PIEZO2: variants seen among roughly 807,000 people sequenced by gnomAD.
The protein encoded by PIEZO2 is piezo-type mechanosensitive ion channel component 2.
A neutral mutation model predicts 337.3 loss-of-function variants in PIEZO2; 172 were observed. The observed-to-expected ratio is 0.51, with a 90% CI of 0.45 to 0.58. The LOEUF is 0.58. Among genes scored for constraint, PIEZO2 ranks in the 20% least tolerant of loss-of-function variants. The probability of loss-of-function intolerance (pLI) is 0.00; values close to 1 mark genes in which losing one functional copy is unlikely to be tolerated. For missense variants in PIEZO2, 3,028 were observed against 3,391.3 expected, an observed-to-expected ratio of 0.89 and a Z score of 2.66; for synonymous variants, 1,251 against 1,228.5, an observed-to-expected ratio of 1.02 and a Z score of -0.38.
intron 1 of PIEZO2, among the ~76,000 whole-genome samples, chr18:11,075,858 C>T (rs182592430): frequency 3.1e-3 from 460 of 150,394 alleles, no homozygotes; most frequent in African/African-American, 0.011. Flanking sequence ...GCGCGATCTC[C>T]GCTCACTGCA....
intron 49 of PIEZO2, among the ~76,000 whole-genome samples, chr18:10,684,075 TTTTTCC>T (rs1255139747): frequency 5.9e-4 from 56 of 95,226 alleles, no homozygotes; most frequent in East Asian, 1.0e-3. Flanking sequence ...CCTTCCTTCC[TTTTTCC>T]TTCCTTCCTT....
chr18:10,754,567 A>G lies in PIEZO2; in HGVS notation c.3924-1688T>C, dbSNP rs1454650328. On this transcript the variant is annotated intron_variant, in intron 27 of 55. Coordinates refer to ENST00000674853, the MANE Select transcript of PIEZO2 (RefSeq NM_001378183.1). Reference sequence around the variant, plus strand: ...AAGCTTTCCATTTGAGTTATGATTTAGGTTTTTCATGAATACATTGAAAAT... The same window carrying G: ...AAGCTTTCCATTTGAGTTATGATTTGGGTTTTTCATGAATACATTGAAAAT... Among the ~76,000 whole-genome samples the G allele has an allele frequency of 3.9e-5, 6 of 152,362 alleles. No individual in the cohort carries two copies. The East Asian group carries it at 9.6e-4, about 24-fold the overall frequency.
At chr18:10,778,142 C>A (rs1598466754) in intron 18 of PIEZO2, among the ~76,000 whole-genome samples, 1 of 152,168 alleles carries the variant, frequency 6.6e-6, no homozygotes, top group South Asian at 2.1e-4. Flanking sequence ...TTTTATTCTC[C>A]TTATAAAACA....
chr18:10,816,933 G>A (rs559532897), intron 7 of PIEZO2, among the ~76,000 whole-genome samples: 13 of 152,190 alleles, frequency 8.5e-5, no homozygotes, highest in African/African-American at 3.1e-4. Flanking sequence ...ATACGTTGGG[G>A]CTCATCAAGC....
intron 3 of PIEZO2, among the ~76,000 whole-genome samples, chr18:10,965,197 T>G (rs2033947343): frequency 6.6e-6 from 1 of 152,180 alleles, no homozygotes; most frequent in Admixed American, 6.5e-5. Flanking sequence ...TTTAATTTTT[T>G]GAAGAACCAC....
intron 7 of PIEZO2, among the ~76,000 whole-genome samples, chr18:10,841,656 G>T (rs1343791417): frequency 1.3e-5 from 2 of 152,166 alleles, no homozygotes; most frequent in East Asian, 3.9e-4. Flanking sequence ...GCTGAATGGG[G>T]GGCTTGCCCT....
rs142052350 is a variant in PIEZO2, at chr18:10,846,380, G to A, written c.917+8973C>T. The stretch of plus-strand genomic sequence containing the variant: ...CCCCATAATTCAATCACCTCCCACC[G>A]GGGATGAGATTTGGGTGGGGTCATA... On this transcript the variant is annotated intron_variant, in intron 7 of 55. Coordinates refer to ENST00000674853, the MANE Select transcript of PIEZO2 (RefSeq NM_001378183.1). This position sits in a 1 kb window ranked among gnomAD's most constrained non-coding sequence, Gnocchi z 4.1. Among the ~76,000 whole-genome samples, 793 of 152,252 alleles carry A rather than the reference G, an allele frequency of 5.2e-3. 10 individuals carry two copies. Among genetic ancestry groups the A allele is most frequent in the Middle Eastern group, 0.014 (4 of 294 alleles).
At chr18:10,835,194 G>A (rs542167653) in intron 7 of PIEZO2, among the ~76,000 whole-genome samples, 1 of 152,074 alleles carries the variant, frequency 6.6e-6, no homozygotes, top group African/African-American at 2.4e-5. Context: ...TGTTGTTTAA[G>A]CCCCCAACCT....
In PIEZO2 at chr18:10,707,725, T is replaced by G. The variant is rs748602673; in HGVS notation, c.5588+550A>C. ...GTTATAGGCTACAAAGATGATGCAT[T>G]CTGCTGCATAATATTCTTTTTAAAA... On this transcript the variant is annotated intron_variant, in intron 40 of 55. Coordinates refer to ENST00000674853, the MANE Select transcript of PIEZO2 (RefSeq NM_001378183.1). The surrounding 1 kb of genome is among the most constrained non-coding windows in gnomAD (Gnocchi z 4.2). Among the ~76,000 whole-genome samples the G allele has an allele frequency of 5.9e-5, 9 of 152,250 alleles. No homozygotes were observed. Among genetic ancestry groups the G allele is most frequent in the Non-Finnish European group, 7.3e-5 (5 of 68,040 alleles).
At chr18:11,074,088 C>T (rs867923671) in intron 1 of PIEZO2, among the ~76,000 whole-genome samples, 35 of 152,074 alleles carry the variant, frequency 2.3e-4, no homozygotes, top group Admixed American at 1.5e-3. Context: ...CCTCAAGATC[C>T]GCCCGCCTCA....
chr18:10,719,927 A>G (rs547681003), intron 36 of PIEZO2, among the ~76,000 whole-genome samples: 28 of 152,220 alleles, frequency 1.8e-4, no homozygotes, highest in African/African-American at 6.0e-4. Flanking sequence ...AAATCAGGTT[A>G]GGAGACACAA....
intron 4 of PIEZO2, among the ~76,000 whole-genome samples, chr18:10,905,364 A>C (rs1224709101): frequency 2.0e-5 from 3 of 152,042 alleles, no homozygotes; most frequent in Non-Finnish European, 4.4e-5. Flanking sequence ...TGGGTGGATC[A>C]CCTGAGGTCC....
Position 10,855,415 on chromosome 18 carries a change from T to C in PIEZO2, c.855A>G (p.Gly285=), listed in dbSNP as rs1217593625. 1 of 1,536,876 alleles carries C rather than the reference T, an allele frequency of 6.5e-7. No homozygotes were observed. The highest frequency in any genetic ancestry group is 2.4e-5 in the East Asian group (1 of 40,926). Residue 285 remains glycine, a synonymous_variant, in exon 7 of 56, where the codon GGA becomes GGG. Transcript: ENST00000674853. The surrounding 1 kb of genome is among the most constrained non-coding windows in gnomAD (Gnocchi z 4.9). ...LAIFTAGHLI[G]LYLYQFQFFQ... The stretch of plus-strand genomic sequence containing the variant: ...AGAATTGGAACTGGTATAAATAAAG[T>C]CCAATCAAATGTCCAGCAGTGAAAA...
Position 10,673,264 on chromosome 18 carries a change from G to A in PIEZO2, c.8162-391C>T, listed in dbSNP as rs16975154. On this transcript the variant is annotated intron_variant, in intron 54 of 55. Coordinates refer to ENST00000674853, the MANE Select transcript of PIEZO2 (RefSeq NM_001378183.1). The surrounding 1 kb of genome is among the most constrained non-coding windows in gnomAD (Gnocchi z 4.8). ...ACCAGCATTTGTTGCATGTCTCATA[G>A]GAGGAAGGCACTCAATTAGGTGCTA... 0.033 allele frequency among the ~76,000 whole-genome samples: 4,963 copies of A among 152,268 alleles called. 264 individuals are homozygous for A. Among genetic ancestry groups the A allele is most frequent in the African/African-American group, 0.11 (4,636 of 41,518 alleles).
chr18:10,881,257 T>C (rs2144852531), intron 4 of PIEZO2, among the ~76,000 whole-genome samples: 1 of 152,262 alleles, frequency 6.6e-6, no homozygotes, highest in South Asian at 2.1e-4. Context: ...ATGATGTATT[T>C]TACATTGGTG....
intron 1 of PIEZO2, among the ~76,000 whole-genome samples, chr18:11,088,253 C>T (rs1178698575): frequency 6.6e-6 from 1 of 152,164 alleles, no homozygotes; most frequent in Non-Finnish European, 1.5e-5. Flanking sequence ...GTTACCAAGT[C>T]TCAGTAAGCA....
In PIEZO2 at chr18:10,986,694, A is replaced by C. The variant is rs543051949; in HGVS notation, c.161-7034T>G. Among the ~76,000 whole-genome samples, 4 of 152,132 alleles carry C rather than the reference A, an allele frequency of 2.6e-5. No individual in the cohort carries two copies. In the South Asian group the frequency reaches 8.3e-4, roughly 32 times the overall value. On this transcript the variant is annotated intron_variant, in intron 2 of 55. Coordinates refer to ENST00000674853, the MANE Select transcript of PIEZO2 (RefSeq NM_001378183.1). Reference sequence around the variant, plus strand: ...AGCACACTCTTGCTGCTTCTATTTGACATAGTATGGGAAGTACTAACCGGA... The same window carrying C: ...AGCACACTCTTGCTGCTTCTATTTGCCATAGTATGGGAAGTACTAACCGGA...
At position 10,847,965 on chromosome 18, in the gene PIEZO2, C is replaced by T. The variant is rs992251918; in HGVS notation, c.917+7388G>A. Reference sequence around the variant, plus strand: ...CGTGCTTTACATTTGTTTTTCTCCACACACTGGACCGATTTCAGATGAAGG... The same window carrying T: ...CGTGCTTTACATTTGTTTTTCTCCATACACTGGACCGATTTCAGATGAAGG... On this transcript the variant is annotated intron_variant, in intron 7 of 55. Coordinates refer to ENST00000674853, the MANE Select transcript of PIEZO2 (RefSeq NM_001378183.1). This position sits in a 1 kb window ranked among gnomAD's most constrained non-coding sequence, Gnocchi z 5.7. Among the ~76,000 whole-genome samples, 2 of 152,208 alleles carry T rather than the reference C, an allele frequency of 1.3e-5. No individual in the cohort carries two copies. The highest frequency in any genetic ancestry group is 2.4e-5 in the African/African-American group (1 of 41,448).
chr18:10,967,268 C>T lies in PIEZO2; in HGVS notation c.286+12267G>A, dbSNP rs200645891. ...TCCTGACCTCATGATCCACCTGCCT[C>T]GGCCTCCCAAAGTGCTGGGATTACA... On this transcript the variant is annotated intron_variant, in intron 3 of 55. Transcript: ENST00000674853. Among the ~76,000 whole-genome samples, 376 of 152,204 alleles carry T rather than the reference C, an allele frequency of 2.5e-3. 5 individuals are homozygous for T. Among genetic ancestry groups the T allele is most frequent in the African/African-American group, 8.9e-3 (370 of 41,528 alleles).
Sources: allele counts gnomAD v4.1 joint callset (sites outside exome capture counted in the v4.1 genomes callset), GRCh38; gene constraint gnomAD v4.1.1; non-coding constraint Gnocchi (gnomAD v3.1); transcripts MANE v1.5; gene names NCBI Gene and HGNC (gene_info 2026-07-23, HGNC 2026-07-21).